CNTROB: variants seen among roughly 807,000 people sequenced by gnomAD.
The protein encoded by CNTROB is centrobin, centriole duplication and spindle assembly protein, also known as centrobin.
In CNTROB, 82 loss-of-function variants were observed where a neutral mutation model predicts 115.7. The ratio of observed to expected loss-of-function variants is 0.71; its 90% CI spans 0.59 to 0.85. The LOEUF (loss-of-function observed/expected upper bound fraction) is 0.85. CNTROB is among the 40% of genes least tolerant of loss of function. The probability of loss-of-function intolerance (pLI) is 0.00; values close to 1 mark genes in which losing one functional copy is unlikely to be tolerated. For missense variants in CNTROB, 1,014 were observed against 1,144.4 expected (o/e 0.89, Z 1.64); for synonymous variants, 439 against 456.4 (o/e 0.96, Z 0.49).
At position 7,934,197 on chromosome 17, in the gene CNTROB, C is replaced by G; in HGVS notation, c.330C>G (p.Leu110=). The G allele has an allele frequency of 1.9e-6, 3 of 1,614,138 alleles. No homozygotes were observed. The highest frequency in any genetic ancestry group is 2.5e-6 in the Non-Finnish European group (3 of 1,180,002). ...ESVRGQLQTM[L]QTSRDTAYRD... ...TTCGGGGTCAGCTCCAGACCATGCT[C>G]CAAACCTCACGTGATACAGCCTATC... The change falls in exon 2 of 19, where the codon CTC becomes CTG. Residue 110 remains leucine (L), a synonymous_variant. Transcript: ENST00000563694.
intron 4 of CNTROB, 72 bp downstream of exon 4, chr17:7,935,217 G>A (rs771038331): frequency 8.1e-6 from 13 of 1,603,338 alleles, no homozygotes; most frequent in Non-Finnish European, 1.1e-5. Flanking sequence ...GAAAAGGGCT[G>A]AGGGGGCCTG....
At position 7,948,548 on chromosome 17, in the gene CNTROB, C is replaced by T; in HGVS notation, c.2442C>T (p.Tyr814=). 6.2e-7 allele frequency: 1 copy of T among 1,614,050 alleles called. No individual in the cohort carries two copies. Among genetic ancestry groups the T allele is most frequent in the Non-Finnish European group, 8.5e-7 (1 of 1,179,996 alleles). Residue 814 remains tyrosine (Y), a synonymous_variant, in exon 17 of 19, where the codon TAC becomes TAT. Transcript: ENST00000563694. This position sits in a 1 kb window ranked among gnomAD's most constrained non-coding sequence, Gnocchi z 4.4. ...AGGTGTCTCAACTGTTGCGACTCTA[C>T]CAGGCTCGGGGCTGGGGGGCTCTGC... The part of the protein sequence containing the change: ...LMEVSQLLRL[Y]QARGWGALPA...
In CNTROB at chr17:7,948,700, G is replaced by A. The variant is rs371893806; in HGVS notation, c.2513+81G>A. The A allele has an allele frequency of 3.1e-6, 5 of 1,613,234 alleles. No homozygotes were observed. The African/African-American group carries it at 4.0e-5, about 13-fold the overall frequency. The stretch of plus-strand genomic sequence containing the variant: ...GAGTGGAGTGGGTGTGTTTTACACT[G>A]AATTGAATCGTTGTCCTTTTCTGGG... On this transcript the variant is annotated intron_variant, in intron 17 of 18. Coordinates refer to ENST00000563694, the MANE Select transcript of CNTROB (RefSeq NM_053051.5). This position sits in a 1 kb window ranked among gnomAD's most constrained non-coding sequence, Gnocchi z 4.4.
At chr17:7,936,621 A>T (rs768387748) in intron 5 of CNTROB, 80 bp from the exon 6 acceptor site, 38 of 803,152 alleles carry the variant, frequency 4.7e-5, no homozygotes, top group Non-Finnish European at 8.6e-5. Flanking sequence ...TTGGGAGAAG[A>T]TGGCTGTTGA....
At chr17:7,938,912 G>T (rs1219436528) in intron 7 of CNTROB, among the ~76,000 whole-genome samples, 1 of 152,098 alleles carries the variant, frequency 6.6e-6, no homozygotes, top group African/African-American at 2.4e-5. Flanking sequence ...CTGAGTAGCT[G>T]GGAATACAGG....
intron 7 of CNTROB, among the ~76,000 whole-genome samples, chr17:7,937,775 C>G (rs1973357534): frequency 1.3e-5 from 2 of 151,818 alleles, no homozygotes; most frequent in Admixed American, 1.3e-4. Flanking sequence ...TGCACTCCAG[C>G]CTGGGTGACA....
chr17:7,939,836 G>A lies in CNTROB; in HGVS notation c.1164+87G>A. On this transcript the variant is annotated intron_variant, in intron 8 of 18. Coordinates refer to ENST00000563694, the MANE Select transcript of CNTROB (RefSeq NM_053051.5). The surrounding 1 kb of genome is among the most constrained non-coding windows in gnomAD (Gnocchi z 4.4). Reference sequence around the variant, plus strand: ...ATGGGATGGAATGTTAGAATATGGGGGATACATATAGGCAGGAATGGAGAG... The same window carrying A: ...ATGGGATGGAATGTTAGAATATGGGAGATACATATAGGCAGGAATGGAGAG... 1 of 1,303,082 alleles carries A rather than the reference G, an allele frequency of 7.7e-7. No individual in the cohort carries two copies. The highest frequency in any genetic ancestry group is 2.3e-5 in the East Asian group (1 of 42,906). 80.7% of individuals were successfully genotyped at this position (1,303,082 alleles called of 1,614,324 possible). A position where few individuals can be genotyped will look rare whatever the true frequency, so the allele number is the denominator to read the frequency against.
chr17:7,949,136 G>A lies in CNTROB; in HGVS notation c.2565G>A (p.Leu855=). The A allele has an allele frequency of 6.2e-7, 1 of 1,614,120 alleles. No homozygotes were observed. Among genetic ancestry groups the A allele is most frequent in the Non-Finnish European group, 8.5e-7 (1 of 1,179,988 alleles). ...CCAGAAGGAACACAGACTCCCGCTTGGGTGAGATCCCCCGGAAAGAGGTGA... is the reference window on the plus strand; with the variant it reads ...CCAGAAGGAACACAGACTCCCGCTTAGGTGAGATCCCCCGGAAAGAGGTGA... ...NVPRRNTDSR[L]GEIPRKEIPS... is the part of the protein sequence containing the mutation. The change falls in exon 18 of 19, where the codon TTG becomes TTA. Residue 855 remains leucine, a synonymous_variant. Transcript: ENST00000563694.
chr17:7,938,251 C>T (rs1243281133), intron 7 of CNTROB, among the ~76,000 whole-genome samples: 1 of 152,042 alleles, frequency 6.6e-6, no homozygotes, highest in Non-Finnish European at 1.5e-5. Context: ...GTGATCTGCC[C>T]GCCTTGGCCT....
Position 7,948,406 on chromosome 17 carries a change from T to C in CNTROB, c.2380+79T>C. On this transcript the variant is annotated intron_variant, in intron 16 of 18. Coordinates refer to ENST00000563694, the MANE Select transcript of CNTROB (RefSeq NM_053051.5). This position sits in a 1 kb window ranked among gnomAD's most constrained non-coding sequence, Gnocchi z 4.4. ...ATCCAGTACAGGCACTTACAGTCCT[T>C]CTGAATTCCTGGGGAAATGGGCTGA... 6.2e-7 allele frequency: 1 copy of C among 1,608,342 alleles called. No individual in the cohort carries two copies. The highest frequency in any genetic ancestry group is 8.5e-7 in the Non-Finnish European group (1 of 1,175,210).
rs140158283 is a variant in CNTROB, at chr17:7,949,409, C to T, written c.2611C>T (p.Arg871Cys). Residue 871 changes from arginine to cysteine, a missense_variant, in exon 19 of 19, where the codon CGC becomes TGC. Coordinates refer to ENST00000563694, the MANE Select transcript of CNTROB (RefSeq NM_053051.5). ...GATTCCCTCCCAGGCTGTCCCTCGC[C>T]GCCTTGCTACAGCCCCCAAGACTGA... ...KEIPSQAVPRRLATAPKTEKP... is the reference protein window; with the variant it reads ...KEIPSQAVPRCLATAPKTEKP... 1.8e-5 allele frequency: 29 copies of T among 1,614,122 alleles called. No homozygotes were observed. The highest frequency in any genetic ancestry group is 4.4e-5 in the South Asian group (4 of 91,074).
At position 7,948,117 on chromosome 17, in the gene CNTROB, G is replaced by A. The variant is rs1472062140; in HGVS notation, c.2210-40G>A. The A allele has an allele frequency of 3.1e-6, 5 of 1,612,692 alleles. No individual in the cohort carries two copies. The highest frequency in any genetic ancestry group is 3.3e-5 in the Admixed American group (2 of 59,960). On this transcript the variant is annotated intron_variant, in intron 15 of 18. Coordinates refer to ENST00000563694, the MANE Select transcript of CNTROB (RefSeq NM_053051.5). This position sits in a 1 kb window ranked among gnomAD's most constrained non-coding sequence, Gnocchi z 4.4. ...GGTGGTGGGACTTCCTTGGTTCTAT[G>A]CCCCATTTCCTGATTCTTGGCATTC...
At position 7,948,804 on chromosome 17, in the gene CNTROB, A is replaced by G; in HGVS notation, c.2513+185A>G. The G allele has an allele frequency of 6.7e-7, 1 of 1,486,670 alleles. No homozygotes were observed. The highest frequency in any genetic ancestry group is 1.4e-5 in the South Asian group (1 of 72,254). 92.1% of individuals were successfully genotyped at this position (1,486,670 alleles called of 1,614,324 possible). A position where few individuals can be genotyped will look rare whatever the true frequency, so the allele number is the denominator to read the frequency against. On this transcript the variant is annotated intron_variant, in intron 17 of 18. Coordinates refer to ENST00000563694, the MANE Select transcript of CNTROB (RefSeq NM_053051.5). This position sits in a 1 kb window ranked among gnomAD's most constrained non-coding sequence, Gnocchi z 4.4. ...ACTTTTCTTTTATCTCCTCCTTTCT[A>G]TTGCTTTTTTCTTCTAAACAAAAAA...
chr17:7,946,010 G>T, intron 13 of CNTROB, 24 bp downstream of exon 13: 3 of 1,609,400 alleles, frequency 1.9e-6, no homozygotes, highest in Non-Finnish European at 2.5e-6. Flanking sequence ...GAAGTCACTG[G>T]GGTTCCCCTT....
intron 4 of CNTROB, 176 bp from the exon 5 acceptor site, chr17:7,936,190 G>C: frequency 1.7e-6 from 1 of 603,620 alleles, no homozygotes; most frequent in Non-Finnish European, 3.0e-6. Context: ...TGGAGATCTT[G>C]AGCCTCAAGG....
At position 7,944,540 on chromosome 17, in the gene CNTROB, C is replaced by T. The variant is rs776304006; in HGVS notation, c.1636C>T (p.Arg546Trp). The change falls in exon 12 of 19, where the codon CGG (arginine) becomes TGG (tryptophan). Residue 546 changes from arginine to tryptophan, a missense_variant. Physicochemically the swap from Arg to Trp is moderately radical, Grantham distance 101 (BLOSUM62 -3). Transcript: ENST00000563694. This position sits in a 1 kb window ranked among gnomAD's most constrained non-coding sequence, Gnocchi z 4.0. ...QSGNQQLEEQ[R>W]VELVERLQAM... ...TGGGAACCAGCAGCTGGAGGAGCAGCGGGTGGAGCTGGTGGAAAGACTGCA... is the reference window on the plus strand; with the variant it reads ...TGGGAACCAGCAGCTGGAGGAGCAGTGGGTGGAGCTGGTGGAAAGACTGCA... The T allele has an allele frequency of 8.7e-6, 14 of 1,614,000 alleles. No homozygotes were observed. Among genetic ancestry groups the T allele is most frequent in the Admixed American group, 3.3e-5 (2 of 59,988 alleles).
Position 7,944,096 on chromosome 17 carries a change from G to T in CNTROB, c.1446-27G>T. On this transcript the variant is annotated intron_variant, in intron 10 of 18. Transcript: ENST00000563694. This position sits in a 1 kb window ranked among gnomAD's most constrained non-coding sequence, Gnocchi z 4.0. ...TCACTTCTTCTGTCTCCAGTCTCAG[G>T]CCTCTTCTCCTACCTGTGCCCTGTA... 1.3e-6 allele frequency: 2 copies of T among 1,586,860 alleles called. No homozygotes were observed. The highest frequency in any genetic ancestry group is 1.7e-6 in the Non-Finnish European group (2 of 1,156,222).
In CNTROB at chr17:7,940,071, T is replaced by C. The variant is rs370917367; in HGVS notation, c.1165-25T>C. The C allele has an allele frequency of 1.2e-5, 19 of 1,573,814 alleles. No individual in the cohort carries two copies. In the East Asian group the frequency reaches 3.6e-4, roughly 30 times the overall value. ...CAGGAGATAAGAAATGAGGTATGTATATACATTTGATTTGTCTTTCATAGG... is the reference window on the plus strand; with the variant it reads ...CAGGAGATAAGAAATGAGGTATGTACATACATTTGATTTGTCTTTCATAGG... On this transcript the variant is annotated intron_variant, in intron 8 of 18. Coordinates refer to ENST00000563694, the MANE Select transcript of CNTROB (RefSeq NM_053051.5).
chr17:7,945,496 C>T (rs1974422642), intron 12 of CNTROB: 1 of 514,526 alleles, frequency 1.9e-6, no homozygotes, highest in Non-Finnish European at 3.4e-6. Flanking sequence ...GGACTACACA[C>T]ACGTGCCATT....
Sources: allele counts gnomAD v4.1 joint callset (sites outside exome capture counted in the v4.1 genomes callset), GRCh38; gene constraint gnomAD v4.1.1; non-coding constraint Gnocchi (gnomAD v3.1); transcripts MANE v1.5; gene names NCBI Gene and HGNC (gene_info 2026-07-23, HGNC 2026-07-21).